The following TRAPPC9 variants were observed in gnomAD, a reference collection of about 807,000 sequenced individuals.
TRAPPC9 encodes IKK2 binding protein.
TRAPPC9 carries 83 observed loss-of-function variants against 124.0 expected under a neutral mutation model. The observed-to-expected ratio is 0.67, with a 90% CI of 0.56 to 0.80. The LOEUF (loss-of-function observed/expected upper bound fraction) is 0.80, where lower values mean the gene tolerates loss of function less well. TRAPPC9 is among the 30% of genes least tolerant of loss of function. The probability of loss-of-function intolerance (pLI) is 0.00; values close to 1 mark genes in which losing one functional copy is unlikely to be tolerated. For missense variants in TRAPPC9, 1,302 were observed against 1,508.3 expected, an observed-to-expected ratio of 0.86 and a Z score of 2.27; for synonymous variants, 638 against 617.5, an observed-to-expected ratio of 1.03 and a Z score of -0.49.
Position 140,241,435 on chromosome 8 carries a change from G to A in TRAPPC9, c.2431+11342C>T, listed in dbSNP as rs527252025. 3.3e-5 allele frequency among the ~76,000 whole-genome samples: 5 copies of A among 151,726 alleles called. No homozygotes were observed. Among genetic ancestry groups the A allele is most frequent in the Non-Finnish European group, 4.4e-5 (3 of 67,958 alleles). On this transcript the variant is annotated intron_variant, in intron 16 of 22. Coordinates refer to ENST00000438773, the MANE Select transcript of TRAPPC9 (RefSeq NM_001160372.4). The surrounding 1 kb of genome is among the most constrained non-coding windows in gnomAD (Gnocchi z 5.0). ...AATTGGGCCAGGCGCGGTGGCACCC[G>A]CCTGTAATCCCAGCACTTTGGGAGG...
At chr8:140,033,672 T>TGTTTG (rs1563706768) in intron 17 of TRAPPC9, among the ~76,000 whole-genome samples, 4 of 94,210 alleles carry the variant, frequency 4.2e-5, no homozygotes, top group Non-Finnish European at 8.3e-5. Flanking sequence ...TTTTTTTTTT[T>TGTTTG]TTTTTTTTTT....
chr8:139,805,445 T>C (rs1823982632), intron 21 of TRAPPC9, among the ~76,000 whole-genome samples: 1 of 152,236 alleles, frequency 6.6e-6, no homozygotes, highest in Non-Finnish European at 1.5e-5. Flanking sequence ...TTGTCAGCTG[T>C]GCACTCAGGC....
chr8:139,768,164 A>C (rs929430142), intron 21 of TRAPPC9, among the ~76,000 whole-genome samples: 2 of 152,382 alleles, frequency 1.3e-5, no homozygotes, highest in East Asian at 3.8e-4. Context: ...TAGCCATTAA[A>C]AATCATAATT....
chr8:140,113,329 C>T (rs913091153), intron 17 of TRAPPC9, among the ~76,000 whole-genome samples: 25 of 152,206 alleles, frequency 1.6e-4, no homozygotes, highest in African/African-American at 5.3e-4. Flanking sequence ...GCGGCAGGGA[C>T]GGTATTTCCA....
At chr8:140,391,710 CT>C (rs1195179296) in intron 7 of TRAPPC9, among the ~76,000 whole-genome samples, 1 of 124,260 alleles carries the variant, frequency 8.0e-6, no homozygotes, top group Non-Finnish European at 1.6e-5. Context: ...GAAACTCTGT[CT>C]CAAAAAAAAA....
At chr8:139,891,742 C>T (rs1830359917) in intron 20 of TRAPPC9, among the ~76,000 whole-genome samples, 1 of 152,224 alleles carries the variant, frequency 6.6e-6, no homozygotes, top group South Asian at 2.1e-4. Context: ...GATCTGCACA[C>T]TTGTGGGGGT....
At chr8:140,272,150 G>GGTGA (rs1345080552) in intron 15 of TRAPPC9, among the ~76,000 whole-genome samples, 1 of 62,154 alleles carries the variant, frequency 1.6e-5, no homozygotes, top group Admixed American at 1.3e-4. Context: ...GGTGATGGTG[G>GGTGA]TAGCAGTGAT....
chr8:140,163,229 T>A (rs896816048), intron 17 of TRAPPC9, among the ~76,000 whole-genome samples: 1 of 151,964 alleles, frequency 6.6e-6, no homozygotes, highest in Non-Finnish European at 1.5e-5. Flanking sequence ...AACCCTCAGC[T>A]CCAGAAGCAC....
At chr8:140,389,348 T>C (rs1277301204) in intron 7 of TRAPPC9, among the ~76,000 whole-genome samples, 2 of 152,180 alleles carry the variant, frequency 1.3e-5, no homozygotes, top group African/African-American at 2.4e-5. Flanking sequence ...AAAAATAAAG[T>C]ATATTATACA....
intron 17 of TRAPPC9, among the ~76,000 whole-genome samples, chr8:140,117,996 C>G (rs1411693883): frequency 6.6e-6 from 1 of 152,256 alleles, no homozygotes; most frequent in East Asian, 1.9e-4. Flanking sequence ...CCTGCAACCA[C>G]TAGGAATTTG....
At chr8:139,928,981 G>A (rs141902738) in intron 19 of TRAPPC9, among the ~76,000 whole-genome samples, 3 of 149,226 alleles carry the variant, frequency 2.0e-5, no homozygotes, top group African/African-American at 2.6e-5. Flanking sequence ...TGTTGCTTAC[G>A]GGAGACGTGT....
intron 17 of TRAPPC9, among the ~76,000 whole-genome samples, chr8:140,120,806 A>G (rs1438673926): frequency 6.6e-6 from 1 of 151,436 alleles, no homozygotes; most frequent in Non-Finnish European, 1.5e-5. Context: ...CCATCCATCC[A>G]TTCATCCATC....
chr8:139,968,034 A>AG (rs1835819807), intron 19 of TRAPPC9, among the ~76,000 whole-genome samples: 1 of 151,876 alleles, frequency 6.6e-6, no homozygotes, highest in Non-Finnish European at 1.5e-5. Flanking sequence ...CCAGCTACTC[A>AG]GGAGGCTGAG....
intron 5 of TRAPPC9, among the ~76,000 whole-genome samples, chr8:140,423,789 A>G (rs1006088661): frequency 2.0e-5 from 3 of 152,112 alleles, no homozygotes; most frequent in Non-Finnish European, 4.4e-5. Flanking sequence ...TTATTCTGCA[A>G]GAAGAAAAAG....
intron 21 of TRAPPC9, among the ~76,000 whole-genome samples, chr8:139,783,086 G>GA: frequency 6.6e-6 from 1 of 151,962 alleles, no homozygotes; most frequent in Admixed American, 6.6e-5. Context: ...TCACCTATTA[G>GA]AAAAAAACTC....
intron 15 of TRAPPC9, among the ~76,000 whole-genome samples, chr8:140,264,217 C>A (rs1228961088): frequency 6.6e-6 from 1 of 152,192 alleles, no homozygotes; most frequent in Non-Finnish European, 1.5e-5. Flanking sequence ...CCCCTCGGGT[C>A]CTGAGAATTG....
intron 6 of TRAPPC9, among the ~76,000 whole-genome samples, chr8:140,398,407 G>A (rs1023863734): frequency 1.3e-5 from 2 of 152,208 alleles, no homozygotes; most frequent in African/African-American, 2.4e-5. Context: ...GAGGCTTGTC[G>A]AATGGCTTTG....
intron 18 of TRAPPC9, among the ~76,000 whole-genome samples, chr8:140,021,146 T>C (rs1157915312): frequency 1.3e-5 from 2 of 152,226 alleles, no homozygotes; most frequent in Non-Finnish European, 2.9e-5. Context: ...CATTGCCATC[T>C]GTTTCCTATT....
At chr8:140,316,549 T>C (rs1263511665) in intron 9 of TRAPPC9, among the ~76,000 whole-genome samples, 2 of 152,226 alleles carry the variant, frequency 1.3e-5, no homozygotes, top group Non-Finnish European at 2.9e-5. Flanking sequence ...TAATGTGATA[T>C]GTCACATCTA....
Sources: allele counts gnomAD v4.1 joint callset (sites outside exome capture counted in the v4.1 genomes callset), GRCh38; gene constraint gnomAD v4.1.1; non-coding constraint Gnocchi (gnomAD v3.1); transcripts MANE v1.5; gene names NCBI Gene and HGNC (gene_info 2026-07-23, HGNC 2026-07-21).